PTPRD: variants seen among roughly 807,000 people sequenced by gnomAD.
PTPRD encodes the protein protein tyrosine phosphatase receptor type D, also known as receptor-type tyrosine-protein phosphatase delta.
A neutral mutation model predicts 214.5 loss-of-function variants in PTPRD; 34 were observed. The observed-to-expected ratio is 0.16, with a 90% CI of 0.12 to 0.21. The LOEUF is 0.21. Among genes scored for constraint, PTPRD ranks in the 10% least tolerant of loss-of-function variants. PTPRD has a pLI of 1.00. For missense variants in PTPRD, 2,545 were observed against 2,398.7 expected, an observed-to-expected ratio of 1.06 and a Z score of -1.27; for synonymous variants, 1,128 against 845.7, an observed-to-expected ratio of 1.33 and a Z score of -5.79.
intron 6 of PTPRD, among the ~76,000 whole-genome samples, chr9:9,759,101 T>C (rs1457337522): frequency 6.6e-6 from 1 of 152,134 alleles, no homozygotes; most frequent in African/African-American, 2.4e-5. Flanking sequence ...AAAATAATTT[T>C]CAAAAATAAC....
chr9:9,819,059 T>A (rs1166797974), intron 5 of PTPRD, among the ~76,000 whole-genome samples: 1 of 152,104 alleles, frequency 6.6e-6, no homozygotes, highest in African/African-American at 2.4e-5. Context: ...ACTGTCGAAA[T>A]GTTCCCTGAT....
intron 9 of PTPRD, among the ~76,000 whole-genome samples, chr9:9,388,976 A>G (rs753680457): frequency 1.3e-5 from 2 of 152,136 alleles, no homozygotes; most frequent in Non-Finnish European, 2.9e-5. Context: ...GGGAGAAAAA[A>G]TATATATGCA....
At chr9:9,358,739 C>T (rs1162301912) in intron 9 of PTPRD, among the ~76,000 whole-genome samples, 2 of 151,278 alleles carry the variant, frequency 1.3e-5, no homozygotes, top group African/African-American at 4.8e-5. Context: ...AGGGCCTGCG[C>T]CTGAATCAGA....
At chr9:9,029,439 G>A (rs371668839) in intron 10 of PTPRD, among the ~76,000 whole-genome samples, 2 of 151,870 alleles carry the variant, frequency 1.3e-5, no homozygotes, top group South Asian at 2.1e-4. Flanking sequence ...TAAAGCAGGT[G>A]GCAATGGGAA....
chr9:9,710,457 A>T (rs1225626469), intron 7 of PTPRD, among the ~76,000 whole-genome samples: 1 of 152,082 alleles, frequency 6.6e-6, no homozygotes, highest in Non-Finnish European at 1.5e-5. Flanking sequence ...TTCATGGTAA[A>T]TATGTAAAAA....
intron 11 of PTPRD, among the ~76,000 whole-genome samples, chr9:8,996,238 G>C (rs771838532): frequency 5.3e-5 from 8 of 152,004 alleles, no homozygotes; most frequent in Non-Finnish European, 8.8e-5. Context: ...CTGGTGAATG[G>C]ATAAGTGAAT....
chr9:10,060,996 T>G (rs112563076), intron 3 of PTPRD, among the ~76,000 whole-genome samples: 2,800 of 148,928 alleles, frequency 0.019, 108 homozygotes, highest in African/African-American at 0.067. Flanking sequence ...TTTCTTTCTT[T>G]CCTCTCTTTC....
chr9:8,341,238 T>G lies in PTPRD; in HGVS notation c.4978A>C (p.Arg1660=). The change falls in exon 41 of 46, where the codon AGG becomes CGG. Residue 1660 remains arginine, a synonymous_variant. Coordinates refer to ENST00000381196, the MANE Select transcript of PTPRD (RefSeq NM_002839.4). ...RLASSKAHTS[R]FISANLPCNK... ...CATGGAAGATTGGCACTGATAAACCTTGAGGTGTGAGCTTTTGAGCTGGCT... is the reference window on the plus strand; with the variant it reads ...CATGGAAGATTGGCACTGATAAACCGTGAGGTGTGAGCTTTTGAGCTGGCT... The G allele has an allele frequency of 1.2e-6, 2 of 1,611,672 alleles. No homozygotes were observed. The highest frequency in any genetic ancestry group is 1.7e-6 in the Non-Finnish European group (2 of 1,178,828).
intron 11 of PTPRD, among the ~76,000 whole-genome samples, chr9:8,854,763 G>A (rs1601959472): frequency 6.6e-6 from 1 of 152,094 alleles, no homozygotes; most frequent in African/African-American, 2.4e-5. Context: ...CTTGTACAGC[G>A]CTTACAAAGC....
intron 37 of PTPRD, among the ~76,000 whole-genome samples, chr9:8,377,215 T>C (rs1432269744): frequency 6.6e-6 from 1 of 152,090 alleles, no homozygotes; most frequent in Admixed American, 6.6e-5. Context: ...ATAAACAACA[T>C]AAGCATGTGC....
chr9:9,538,083 T>C (rs1034658184), intron 8 of PTPRD, among the ~76,000 whole-genome samples: 3 of 151,896 alleles, frequency 2.0e-5, no homozygotes, highest in African/African-American at 7.2e-5. Context: ...GCCAGACTTC[T>C]TGGTACACTT....
intron 5 of PTPRD, among the ~76,000 whole-genome samples, chr9:9,792,152 T>TC (rs2098972503): frequency 9.2e-5 from 14 of 152,290 alleles, no homozygotes; most frequent in Admixed American, 5.2e-4. Context: ...TTTATTTTTT[T>TC]CACAGCTTTT....
At chr9:9,234,753 C>T (rs760517353) in intron 9 of PTPRD, among the ~76,000 whole-genome samples, 2 of 152,114 alleles carry the variant, frequency 1.3e-5, no homozygotes, top group Admixed American at 6.6e-5. Flanking sequence ...CCAAAAAGTT[C>T]CTCATCTCCA....
chr9:9,663,666 A>T (rs191940058), intron 7 of PTPRD, among the ~76,000 whole-genome samples: 39 of 151,790 alleles, frequency 2.6e-4, no homozygotes, highest in African/African-American at 9.4e-4. Flanking sequence ...TATCCAAATG[A>T]TCACTAACAC....
chr9:10,149,243 CA>C (rs988770981), intron 3 of PTPRD, among the ~76,000 whole-genome samples: 66 of 152,268 alleles, frequency 4.3e-4, no homozygotes, highest in African/African-American at 1.5e-3. Flanking sequence ...GTCACTTTTT[CA>C]TCCAATATTT....
intron 5 of PTPRD, among the ~76,000 whole-genome samples, chr9:9,835,923 T>C (rs1006244146): frequency 2.2e-4 from 34 of 152,070 alleles, no homozygotes; most frequent in African/African-American, 8.2e-4. Context: ...TTACAATAAG[T>C]GATGAATGAT....
intron 14 of PTPRD, among the ~76,000 whole-genome samples, chr9:8,566,103 T>TGTGG (rs2154219093): frequency 1.0e-5 from 1 of 100,116 alleles, no homozygotes; most frequent in Admixed American, 1.0e-4. Context: ...GCAAAATATG[T>TGTGG]GTGTGTGTGT....
intron 11 of PTPRD, among the ~76,000 whole-genome samples, chr9:8,977,495 CT>C (rs1486936656): frequency 9.2e-5 from 14 of 152,020 alleles, no homozygotes; most frequent in Non-Finnish European, 4.4e-5. Flanking sequence ...GCTCTATGTG[CT>C]GTTATTGAAA....
chr9:8,903,723 C>G (rs1159640015), intron 11 of PTPRD, among the ~76,000 whole-genome samples: 2 of 152,140 alleles, frequency 1.3e-5, no homozygotes, highest in Non-Finnish European at 2.9e-5. Flanking sequence ...ATCAGTAAAA[C>G]TAACAAACTG....
Sources: allele counts gnomAD v4.1 joint callset (sites outside exome capture counted in the v4.1 genomes callset), GRCh38; gene constraint gnomAD v4.1.1; transcripts MANE v1.5; gene names NCBI Gene and HGNC (gene_info 2026-07-23, HGNC 2026-07-21).